The following C1QL2 variants were observed in gnomAD, a reference collection of about 807,000 sequenced individuals.
The protein encoded by C1QL2 is complement C1q like 2.
Under a neutral mutation model 16.6 loss-of-function variants are expected in C1QL2, and 13 were observed. The ratio of observed to expected loss-of-function variants is 0.78; its 90% CI spans 0.51 to 1.25. The LOEUF is 1.25. C1QL2 is among the 50% of genes most tolerant of loss of function. C1QL2 has a pLI of 0.00. For synonymous variants in C1QL2, 210 were observed against 183.2 expected (o/e 1.15, Z -1.18); for missense variants, 396 against 409.6 (o/e 0.97, Z 0.29).
Position 119,158,094 on chromosome 2 carries a change from A to G in C1QL2, c.176T>C (p.Leu59Pro). The change falls in exon 1 of 2, where the codon CTG (leucine) becomes CCG (proline). Residue 59 changes from leucine to proline, a missense_variant. Transcript: ENST00000272520. ...AQPPGPSTAA[L>P]EVMQDLSANP... ...GGCGCTGAGGTCCTGCATGACTTCC[A>G]GGGCGGCGGTGCTGGGTCCGGGTGG... 2 of 1,528,568 alleles carry G rather than the reference A, an allele frequency of 1.3e-6. No homozygotes were observed. The highest frequency in any genetic ancestry group is 1.8e-6 in the Non-Finnish European group (2 of 1,138,986). 94.7% of individuals were successfully genotyped at this position (1,528,568 alleles called of 1,614,324 possible).
chr2:119,158,114 G>C lies in C1QL2; in HGVS notation c.156C>G (p.Pro52=), dbSNP rs774144378. The C allele has an allele frequency of 2.0e-6, 3 of 1,538,446 alleles. No individual in the cohort carries two copies. Among genetic ancestry groups the C allele is most frequent in the Non-Finnish European group, 1.7e-6 (2 of 1,143,934 alleles). ...GEPPGAKAQP[P]GPSTAALEVM... ...CTTCCAGGGCGGCGGTGCTGGGTCC[G>C]GGTGGCTGCGCCTTTGCACCCGGGG... Residue 52 remains proline (P), a synonymous_variant, in exon 1 of 2, where the codon CCC becomes CCG. Transcript: ENST00000272520.
Position 119,156,850 on chromosome 2 carries a change from A to G in C1QL2, c.816T>C (p.Asn272=). Residue 272 remains asparagine (N), a synonymous_variant, in exon 2 of 2, where the codon AAT becomes AAC. Coordinates refer to ENST00000272520, the MANE Select transcript of C1QL2 (RefSeq NM_182528.4). Reference sequence around the variant, plus strand: ...CCGAGAACGTGCTGTACTTGTTATTATTGCCTCCGTGAGCCTTCCCGCCAT... The same window carrying G: ...CCGAGAACGTGCTGTACTTGTTATTGTTGCCTCCGTGAGCCTTCCCGCCAT... ...KLDGGKAHGG[N]NNKYSTFSGF... 6.2e-7 allele frequency: 1 copy of G among 1,613,994 alleles called. No individual in the cohort carries two copies. Among genetic ancestry groups the G allele is most frequent in the Non-Finnish European group, 8.5e-7 (1 of 1,179,918 alleles).
Position 119,158,407 on chromosome 2 carries a change from C to G in C1QL2, c.-138G>C. On this transcript the variant is annotated 5_prime_UTR_variant, in exon 1 of 2. Coordinates refer to ENST00000272520, the MANE Select transcript of C1QL2 (RefSeq NM_182528.4). Reference sequence around the variant, plus strand: ...CGCGGGCGGCCCCGCTCCCCGCGCTCGGGGACCGGCTCCGCGGGTCCTGGC... The same window carrying G: ...CGCGGGCGGCCCCGCTCCCCGCGCTGGGGGACCGGCTCCGCGGGTCCTGGC... 1.5e-6 allele frequency: 1 copy of G among 663,296 alleles called. No homozygotes were observed. Among genetic ancestry groups the G allele is most frequent in the Non-Finnish European group, 2.1e-6 (1 of 479,874 alleles). 41.1% of individuals were successfully genotyped at this position (663,296 alleles called of 1,614,324 possible).
chr2:119,157,627 C>A lies in C1QL2; in HGVS notation c.643G>T (p.Asp215Tyr). 6.2e-7 allele frequency: 1 copy of A among 1,614,188 alleles called. No homozygotes were observed. The highest frequency in any genetic ancestry group is 8.5e-7 in the Non-Finnish European group (1 of 1,180,036). ...AGGTCCGCCCACATGCTGGTGCCGT[C>A]GCCGCCGCGCATGAGGATGTGGTAG... ...FTYHILMRGGDGTSMWADLCK... is the reference protein window; with the variant it reads ...FTYHILMRGGYGTSMWADLCK... The change falls in exon 1 of 2, where the codon GAC (aspartate) becomes TAC (tyrosine). Residue 215 changes from aspartate (D) to tyrosine (Y), a missense_variant. Physicochemically the swap from Asp to Tyr is radical, Grantham distance 160. Around this residue, in one of 2 missense-constraint regions of C1QL2, gnomAD observed 353 missense variants for 334.8 expected, o/e 1.05. Transcript: ENST00000272520.
rs761659381 is a variant in C1QL2 at position 119,157,976 on chromosome 2, C to A, written c.294G>T (p.Pro98=). Residue 98 remains proline (P), a synonymous_variant, in exon 1 of 2, where the codon CCG becomes CCT. Coordinates refer to ENST00000272520, the MANE Select transcript of C1QL2 (RefSeq NM_182528.4). ...CTCCCGGAGGGCCCCTGGGTCCAGG[C>A]GGGCCCGGCTCTCCAGGGGGCCCCC... ...GPRGPPGEPG[P]PGPRGPPGEK... The A allele has an allele frequency of 3.3e-5, 50 of 1,523,186 alleles. No homozygotes were observed. Among genetic ancestry groups the A allele is most frequent in the Non-Finnish European group, 4.0e-5 (46 of 1,137,286 alleles). 94.4% of individuals were successfully genotyped at this position (1,523,186 alleles called of 1,614,324 possible).
At position 119,157,796 on chromosome 2, in the gene C1QL2, C is replaced by G. The variant is rs768914994; in HGVS notation, c.474G>C (p.Lys158Asn). 7.4e-5 allele frequency: 119 copies of G among 1,604,162 alleles called. No individual in the cohort carries two copies. Among genetic ancestry groups the G allele is most frequent in the South Asian group, 4.6e-4 (41 of 89,710 alleles). ...SALSATFSGP[K>N]IAFYVGLKSP... is the part of the protein sequence containing the mutation. ...TCTTGAGACCCACATAGAAGGCGATCTTGGGGCCGCTGAAGGTGGCGCTCA... is the reference window on the plus strand; with the variant it reads ...TCTTGAGACCCACATAGAAGGCGATGTTGGGGCCGCTGAAGGTGGCGCTCA... Residue 158 changes from lysine (K) to asparagine (N), a missense_variant, in exon 1 of 2, where the codon AAG becomes AAC. By Grantham distance (94) the Lys-to-Asn change is moderately conservative. Around this residue, in one of 2 missense-constraint regions of C1QL2, gnomAD observed 353 missense variants for 334.8 expected, o/e 1.05. Transcript: ENST00000272520.
rs1678001568 is a variant in C1QL2 at position 119,158,299 on chromosome 2, A to G, written c.-30T>C. On this transcript the variant is annotated 5_prime_UTR_variant, in exon 1 of 2. Coordinates refer to ENST00000272520, the MANE Select transcript of C1QL2 (RefSeq NM_182528.4). ...AAGAGTACGCCGACGGCCGCCAGGC[A>G]GGCACGCCGCCGCCGCTGCCACAGC... 5 of 1,350,470 alleles carry G rather than the reference A, an allele frequency of 3.7e-6. No homozygotes were observed. In the South Asian group the frequency reaches 9.2e-5, roughly 25 times the overall value. The allele number at this position is 1,350,470 out of a possible 1,614,324, so 83.7% of individuals were successfully genotyped here.
In C1QL2 at chr2:119,157,606, C is replaced by T; in HGVS notation, c.664G>A (p.Asp222Asn). 1 of 1,614,122 alleles carries T rather than the reference C, an allele frequency of 6.2e-7. No homozygotes were observed. Among genetic ancestry groups the T allele is most frequent in the Non-Finnish European group, 8.5e-7 (1 of 1,180,022 alleles). Residue 222 changes from aspartate to asparagine, a missense_variant, in exon 1 of 2, where the codon GAC (aspartate) becomes AAC (asparagine). By Grantham distance (23) the Asp-to-Asn change is conservative. Around this residue, in one of 2 missense-constraint regions of C1QL2, gnomAD observed 353 missense variants for 334.8 expected, o/e 1.05. Transcript: ENST00000272520. ...RGGDGTSMWA[D>N]LCKNGQVRAS... is the part of the protein sequence containing the mutation. The stretch of plus-strand genomic sequence containing the variant: ...CTGACCTGCCCGTTCTTGCAGAGGT[C>T]CGCCCACATGCTGGTGCCGTCGCCG...
In C1QL2 at chr2:119,158,350, C is replaced by T. The variant is rs1678002579; in HGVS notation, c.-81G>A. 2 of 1,207,544 alleles carry T rather than the reference C, an allele frequency of 1.7e-6. No homozygotes were observed. The highest frequency in any genetic ancestry group is 2.1e-6 in the Non-Finnish European group (2 of 951,798). 74.8% of individuals were successfully genotyped at this position (1,207,544 alleles called of 1,614,324 possible). On this transcript the variant is annotated 5_prime_UTR_variant, in exon 1 of 2. Transcript: ENST00000272520. Reference sequence around the variant, plus strand: ...CGGGAGGCGACCGCCACCAGCTCCTCCTTGCCGCCCGGGGAGGTAATGGTG... The same window carrying T: ...CGGGAGGCGACCGCCACCAGCTCCTTCTTGCCGCCCGGGGAGGTAATGGTG...
In C1QL2 at chr2:119,157,718, G is replaced by C. The variant is rs377219213; in HGVS notation, c.552C>G (p.Leu184=). 1 of 1,614,006 alleles carries C rather than the reference G, an allele frequency of 6.2e-7. No individual in the cohort carries two copies. The highest frequency in any genetic ancestry group is 8.5e-7 in the Non-Finnish European group (1 of 1,179,984). The change falls in exon 1 of 2, where the codon CTC becomes CTG. Residue 184 remains leucine (L), a synonymous_variant. Coordinates refer to ENST00000272520, the MANE Select transcript of C1QL2 (RefSeq NM_182528.4). ...VLKFDDVVTN[L]GNHYDPTTGK... is the part of the protein sequence containing the mutation. Reference sequence around the variant, plus strand: ...CCGTGGTGGGGTCATAGTGATTGCCGAGGTTGGTGACCACGTCATCGAACT... The same window carrying C: ...CCGTGGTGGGGTCATAGTGATTGCCCAGGTTGGTGACCACGTCATCGAACT...
Position 119,158,403 on chromosome 2 carries a change from C to A in C1QL2, c.-134G>T, listed in dbSNP as rs960618920. 16 of 699,084 alleles carry A rather than the reference C, an allele frequency of 2.3e-5. No individual in the cohort carries two copies. The highest frequency in any genetic ancestry group is 3.9e-5 in the East Asian group (1 of 25,950). 43.3% of individuals were successfully genotyped at this position (699,084 alleles called of 1,614,324 possible). A position where few individuals can be genotyped will look rare whatever the true frequency, so the allele number is the denominator to read the frequency against. On this transcript the variant is annotated 5_prime_UTR_variant, in exon 1 of 2. Transcript: ENST00000272520. The stretch of plus-strand genomic sequence containing the variant: ...GCGGCGCGGGCGGCCCCGCTCCCCG[C>A]GCTCGGGGACCGGCTCCGCGGGTCC...
In C1QL2 at chr2:119,157,107, C is replaced by A. The variant is rs547893520; in HGVS notation, c.685-126G>T. The stretch of plus-strand genomic sequence containing the variant: ...TTCAGGGTCCACACTCCCACCCCAG[C>A]TCCATGTTCTCTCTCCAACTTAGTC... On this transcript the variant is annotated intron_variant, in intron 1 of 1. Coordinates refer to ENST00000272520, the MANE Select transcript of C1QL2 (RefSeq NM_182528.4). 14 of 1,073,330 alleles carry A rather than the reference C, an allele frequency of 1.3e-5. No individual in the cohort carries two copies. The African/African-American group carries it at 2.0e-4, about 16-fold the overall frequency. The allele number at this position is 1,073,330 out of a possible 1,614,324, so 66.5% of individuals were successfully genotyped here. A position where few individuals can be genotyped will look rare whatever the true frequency, so the allele number is the denominator to read the frequency against.
chr2:119,158,119 G>T lies in C1QL2; in HGVS notation c.151C>A (p.Pro51Thr). ...GGEPPGAKAQPPGPSTAALEV... is the reference protein window; with the variant it reads ...GGEPPGAKAQTPGPSTAALEV... ...AGGGCGGCGGTGCTGGGTCCGGGTG[G>T]CTGCGCCTTTGCACCCGGGGGCTCC... The change falls in exon 1 of 2, where the codon CCA becomes ACA. Residue 51 changes from proline (P) to threonine (T), a missense_variant. Physicochemically the swap from Pro to Thr is conservative, Grantham distance 38 (BLOSUM62 -1). This residue lies in a region of C1QL2 where 353 missense variants were observed against 334.8 expected (regional missense o/e 1.05). Transcript: ENST00000272520. 1 of 1,542,492 alleles carries T rather than the reference G, an allele frequency of 6.5e-7. No homozygotes were observed. Among genetic ancestry groups the T allele is most frequent in the South Asian group, 1.2e-5 (1 of 83,328 alleles).
rs144237773 is a variant in C1QL2 at position 119,156,294 on chromosome 2, G to C, written c.*508C>G. 3 of 154,356 alleles carry C rather than the reference G, an allele frequency of 1.9e-5. No homozygotes were observed. The highest frequency in any genetic ancestry group is 2.9e-5 in the Non-Finnish European group (2 of 69,234). The allele number at this position is 154,356 out of a possible 1,614,324, so 9.6% of individuals were successfully genotyped here. On this transcript the variant is annotated 3_prime_UTR_variant, in exon 2 of 2. Transcript: ENST00000272520. Reference sequence around the variant, plus strand: ...ATCGCGGTGAGTCTGAGTCAGGAGGGAATGCGGTGTGGAGAGGTGAATTTT... The same window carrying C: ...ATCGCGGTGAGTCTGAGTCAGGAGGCAATGCGGTGTGGAGAGGTGAATTTT...
Position 119,157,667 on chromosome 2 carries a change from G to T in C1QL2, c.603C>A (p.Gly201=). ...TTGKFSCQVR[G]IYFFTYHILM... The stretch of plus-strand genomic sequence containing the variant: ...GGATGTGGTAGGTGAAGAAGTAGAT[G>T]CCGCGTACCTGGCAGCTGAACTTGC... The change falls in exon 1 of 2, where the codon GGC becomes GGA. Residue 201 remains glycine, a synonymous_variant. Coordinates refer to ENST00000272520, the MANE Select transcript of C1QL2 (RefSeq NM_182528.4). 1 of 1,614,148 alleles carries T rather than the reference G, an allele frequency of 6.2e-7. No homozygotes were observed. Among genetic ancestry groups the T allele is most frequent in the Non-Finnish European group, 8.5e-7 (1 of 1,179,996 alleles).
intron 1 of C1QL2, among the ~76,000 whole-genome samples, chr2:119,157,211 C>T (rs1049817399): frequency 2.0e-5 from 3 of 152,178 alleles, no homozygotes; most frequent in Non-Finnish European, 4.4e-5. Flanking sequence ...TGAACACTGA[C>T]CCAGAGTGGA....
chr2:119,156,598 G>T lies in C1QL2; in HGVS notation c.*204C>A. ...TCCCTTCCTCCCTTGCCGGGATGGG[G>T]ATGGAGACCAGGAGCACAGCCCTGA... On this transcript the variant is annotated 3_prime_UTR_variant, in exon 2 of 2. Transcript: ENST00000272520. 1 of 604,652 alleles carries T rather than the reference G, an allele frequency of 1.7e-6. No homozygotes were observed. The highest frequency in any genetic ancestry group is 2.7e-6 in the Non-Finnish European group (1 of 366,686). 37.5% of individuals were successfully genotyped at this position (604,652 alleles called of 1,614,324 possible).
rs1054063931 is a variant in C1QL2 at position 119,156,590 on chromosome 2, G to T, written c.*212C>A. On this transcript the variant is annotated 3_prime_UTR_variant, in exon 2 of 2. Coordinates refer to ENST00000272520, the MANE Select transcript of C1QL2 (RefSeq NM_182528.4). The stretch of plus-strand genomic sequence containing the variant: ...CTCGGGCGTCCCTTCCTCCCTTGCC[G>T]GGATGGGGATGGAGACCAGGAGCAC... 1.8e-5 allele frequency: 10 copies of T among 571,214 alleles called. No homozygotes were observed. The highest frequency in any genetic ancestry group is 2.3e-5 in the Non-Finnish European group (8 of 342,458). The allele number at this position is 571,214 out of a possible 1,614,324, so 35.4% of individuals were successfully genotyped here. A position where few individuals can be genotyped will look rare whatever the true frequency, so the allele number is the denominator to read the frequency against.
chr2:119,157,842 T>C lies in C1QL2; in HGVS notation c.428A>G (p.Glu143Gly). The C allele has an allele frequency of 6.3e-7, 1 of 1,587,280 alleles. No homozygotes were observed. ...GCTCAGCGCACTGGTCACTTCACCC[T>C]CGGAATCGCCACCTACCCCGGCCCC... ...GGGAGVGGDSEGEVTSALSAT... is the reference protein window; with the variant it reads ...GGGAGVGGDSGGEVTSALSAT... Residue 143 changes from glutamate to glycine, a missense_variant, in exon 1 of 2, where the codon GAG (glutamate) becomes GGG (glycine). Physicochemically the swap from Glu to Gly is moderately conservative, Grantham distance 98. Around this residue, in one of 2 missense-constraint regions of C1QL2, gnomAD observed 353 missense variants for 334.8 expected, o/e 1.05. Transcript: ENST00000272520.
Sources: gnomAD v4.1 joint callset for allele counts (sites outside exome capture counted in the v4.1 genomes callset) on GRCh38, gnomAD v4.1.1 for gene constraint, gnomAD v4.1.1 regional missense constraint, MANE v1.5 for transcripts, NCBI Gene and HGNC (gene_info 2026-07-23, HGNC 2026-07-21) for gene names.